Variants in TPGS1 observed in about 807,000 individuals in gnomAD.
The protein encoded by TPGS1 is tubulin polyglutamylase complex subunit 1.
TPGS1 carries 18 observed loss-of-function variants against 11.9 expected under a neutral mutation model. That is an observed-to-expected ratio of 1.51 (90% CI 1.04 to 2.24). The LOEUF (loss-of-function observed/expected upper bound fraction) is 2.24, where lower values mean the gene tolerates loss of function less well. Among genes scored for constraint, TPGS1 ranks in the 30% most tolerant of loss-of-function variants. TPGS1 has a pLI of 0.00. For missense variants in TPGS1, 500 were observed against 443.0 expected, an observed-to-expected ratio of 1.13 and a Z score of -1.16; for synonymous variants, 247 against 218.2, an observed-to-expected ratio of 1.13 and a Z score of -1.16.
At chr19:513,288 C>A (rs536269538) in intron 1 of TPGS1, among the ~76,000 whole-genome samples, 4 of 152,320 alleles carry the variant, frequency 2.6e-5, no homozygotes, top group African/African-American at 7.2e-5. Flanking sequence ...ATGGTAAAAG[C>A]GCCCAGCGGA....
intron 1 of TPGS1, among the ~76,000 whole-genome samples, chr19:512,267 G>GA (rs1412773733): frequency 6.6e-6 from 1 of 151,824 alleles, no homozygotes; most frequent in Non-Finnish European, 1.5e-5. Flanking sequence ...GGGCTCAAGG[G>GA]ATCCTCCCAC....
rs1236362396 is a variant in TPGS1, at chr19:518,992, A to T, written c.442A>T (p.Arg148Trp). The change falls in exon 2 of 2, where the codon AGG (arginine) becomes TGG (tryptophan). Residue 148 changes from arginine to tryptophan, a missense_variant. Transcript: ENST00000359315. ...CGGGCGCACCTACAGCGAGCTGCTC[A>T]GGCGCATCTGCCGGGACGGCCAAGC... ...LDGRTYSELL[R>W]RICRDGQAPE... 8 of 1,580,098 alleles carry T rather than the reference A, an allele frequency of 5.1e-6. No individual in the cohort carries two copies. Among genetic ancestry groups the T allele is most frequent in the Non-Finnish European group, 6.0e-6 (7 of 1,170,724 alleles).
At chr19:514,877 G>A (rs1201070549) in intron 1 of TPGS1, among the ~76,000 whole-genome samples, 3 of 152,234 alleles carry the variant, frequency 2.0e-5, no homozygotes, top group Admixed American at 6.5e-5. Context: ...CGCTGGCCAC[G>A]GTGCTCCCTG....
chr19:516,321 C>T lies in TPGS1; in HGVS notation c.339-2568C>T, dbSNP rs372919981. Among the ~76,000 whole-genome samples the T allele has an allele frequency of 1.5e-3, 222 of 151,722 alleles. 1 individual carries two copies. Among genetic ancestry groups the T allele is most frequent in the African/African-American group, 4.9e-3 (204 of 41,374 alleles). ...ATCGTAAGGCGGGAACTACGTGAGGCGGGAAGCAAGTTACAGAGGCGAGAA... is the reference window on the plus strand; with the variant it reads ...ATCGTAAGGCGGGAACTACGTGAGGTGGGAAGCAAGTTACAGAGGCGAGAA... On this transcript the variant is annotated intron_variant, in intron 1 of 1. Transcript: ENST00000359315.
intron 1 of TPGS1, chr19:509,382 T>C (rs1978719980): frequency 6.6e-6 from 1 of 152,412 alleles, no homozygotes; most frequent in African/African-American, 2.4e-5. Context: ...ACACTGCAGA[T>C]GAGGATATTT....
At chr19:515,168 C>G (rs572841431) in intron 1 of TPGS1, among the ~76,000 whole-genome samples, 1 of 152,274 alleles carries the variant, frequency 6.6e-6, no homozygotes, top group East Asian at 1.9e-4. Flanking sequence ...GCTTTATTTA[C>G]AAAAGCAGGC....
chr19:511,360 T>A lies in TPGS1; in HGVS notation c.338+3516T>A, dbSNP rs563544145. ...ACCTTCCTGTCTCCTGCCGTCATCA[T>A]GGCTGTGATCTCACCAGGCTGTAAT... is the stretch of plus-strand genomic sequence containing the variant. On this transcript the variant is annotated intron_variant, in intron 1 of 1. Coordinates refer to ENST00000359315, the MANE Select transcript of TPGS1 (RefSeq NM_033513.3). Among the ~76,000 whole-genome samples, 7 of 152,388 alleles carry A rather than the reference T, an allele frequency of 4.6e-5. No homozygotes were observed. The South Asian group carries it at 1.4e-3, about 32-fold the overall frequency.
intron 1 of TPGS1, chr19:510,159 G>T (rs1022939621): frequency 6.6e-6 from 1 of 152,198 alleles, no homozygotes; most frequent in South Asian, 2.1e-4. Flanking sequence ...GGATCACAAG[G>T]TCAGGAGATC....
chr19:509,692 C>G (rs1328663624), intron 1 of TPGS1: 1 of 152,348 alleles, frequency 6.6e-6, no homozygotes, highest in Non-Finnish European at 1.5e-5. Context: ...CTAGGCCCCA[C>G]CCTACTCCAG....
At chr19:515,957 G>T (rs1469750407) in intron 1 of TPGS1, among the ~76,000 whole-genome samples, 1 of 151,630 alleles carries the variant, frequency 6.6e-6, no homozygotes, top group African/African-American at 2.4e-5. Context: ...GCGTGAACCC[G>T]GGAGGCGGAG....
intron 1 of TPGS1, among the ~76,000 whole-genome samples, chr19:516,052 GA>G (rs2145834342): frequency 6.7e-6 from 1 of 150,282 alleles, no homozygotes; most frequent in African/African-American, 2.4e-5. Context: ...AAAAAAGGAA[GA>G]AAGAAAGAAA....
In TPGS1 at chr19:519,221, C is replaced by T. The variant is rs541802856; in HGVS notation, c.671C>T (p.Thr224Ile). ...DRRVGQAVLD[T>I]LEGALQASDA... The stretch of plus-strand genomic sequence containing the variant: ...CGCGTGGGCCAGGCCGTGCTGGACA[C>T]CCTGGAGGGCGCGCTGCAGGCCAGC... Residue 224 changes from threonine (T) to isoleucine (I), a missense_variant, in exon 2 of 2, where the codon ACC becomes ATC. By Grantham distance (89) the Thr-to-Ile change is moderately conservative (BLOSUM62 -1). Transcript: ENST00000359315. 7.6e-5 allele frequency: 104 copies of T among 1,365,690 alleles called. No individual in the cohort carries two copies. The highest frequency in any genetic ancestry group is 1.5e-4 in the Admixed American group (4 of 26,004). The allele number at this position is 1,365,690 out of a possible 1,614,324, so 84.6% of individuals were successfully genotyped here.
chr19:515,186 C>A (rs1487518558), intron 1 of TPGS1, among the ~76,000 whole-genome samples: 1 of 152,266 alleles, frequency 6.6e-6, no homozygotes, highest in East Asian at 1.9e-4. Context: ...GGCAGCAGGT[C>A]GTATTTGACC....
chr19:507,656 G>C lies in TPGS1; in HGVS notation c.150G>C (p.Ala50=). Residue 50 remains alanine (A), a synonymous_variant, in exon 1 of 2, where the codon GCG becomes GCC. Coordinates refer to ENST00000359315, the MANE Select transcript of TPGS1 (RefSeq NM_033513.3). ...TCGGCGTGACGGAAATGCTACGTGCGGCCCTGCTGAAGGTGCTGGAGGCGC... is the reference window on the plus strand; with the variant it reads ...TCGGCGTGACGGAAATGCTACGTGCCGCCCTGCTGAAGGTGCTGGAGGCGC... The part of the protein sequence containing the change: ...RQVGVTEMLR[A]ALLKVLEARP... The C allele has an allele frequency of 7.2e-7, 1 of 1,389,818 alleles. No homozygotes were observed. The highest frequency in any genetic ancestry group is 9.4e-7 in the Non-Finnish European group (1 of 1,058,382). The allele number at this position is 1,389,818 out of a possible 1,614,324, so 86.1% of individuals were successfully genotyped here. A position where few individuals can be genotyped will look rare whatever the true frequency, so the allele number is the denominator to read the frequency against.
At chr19:508,887 C>T (rs1978705847) in intron 1 of TPGS1, 1 of 152,484 alleles carries the variant, frequency 6.6e-6, no homozygotes, top group African/African-American at 2.4e-5. Flanking sequence ...AGCAGACTTG[C>T]TCCGGTGGCC....
chr19:517,088 G>A (rs1192676632), intron 1 of TPGS1, among the ~76,000 whole-genome samples: 2 of 152,116 alleles, frequency 1.3e-5, no homozygotes, highest in South Asian at 2.1e-4. Context: ...TAACCAAGAC[G>A]AACTTCCGGC....
chr19:510,825 G>A (rs761158152), intron 1 of TPGS1, among the ~76,000 whole-genome samples: 39 of 152,198 alleles, frequency 2.6e-4, no homozygotes, highest in Admixed American at 5.2e-4. Flanking sequence ...AGCTGATCTG[G>A]GCCAGGGTTC....
At chr19:516,447 C>T (rs919830616) in intron 1 of TPGS1, among the ~76,000 whole-genome samples, 27 of 151,322 alleles carry the variant, frequency 1.8e-4, no homozygotes, top group Non-Finnish European at 3.4e-4. Flanking sequence ...TGCAGTGGCG[C>T]CATCTTGGCT....
chr19:507,947 G>T (rs1033606655), intron 1 of TPGS1, 103 bp downstream of exon 1: 1 of 964,136 alleles, frequency 1.0e-6, no homozygotes, highest in Non-Finnish European at 1.4e-6. Context: ...GGGGCCCGGG[G>T]CTTGCTGGGA....
Sources: gnomAD v4.1 joint callset for allele counts (sites outside exome capture counted in the v4.1 genomes callset) on GRCh38, gnomAD v4.1.1 for gene constraint, MANE v1.5 for transcripts, NCBI Gene and HGNC (gene_info 2026-07-23, HGNC 2026-07-21) for gene names.